Variants in EXOC4 observed in about 807,000 individuals in gnomAD.
EXOC4 encodes exocyst complex component 4, also known as SEC8-like 1.
In EXOC4, 71 loss-of-function variants were observed where a neutral mutation model predicts 107.2. The observed-to-expected ratio is 0.66, with a 90% CI of 0.55 to 0.81. The LOEUF (loss-of-function observed/expected upper bound fraction) is 0.81, where lower values mean the gene tolerates loss of function less well. Ranked by LOEUF, EXOC4 falls within the 30% of genes least tolerant of loss-of-function variation. The pLI is 0.00. For missense variants in EXOC4, 1,108 were observed against 1,189.6 expected (o/e 0.93, Z 1.01); for synonymous variants, 456 against 441.2 (o/e 1.03, Z -0.42).
chr7:133,717,625 G>T (rs577142798), intron 10 of EXOC4, among the ~76,000 whole-genome samples: 2 of 152,332 alleles, frequency 1.3e-5, no homozygotes, highest in African/African-American at 4.8e-5. Flanking sequence ...ATGTGCATAT[G>T]TAAATAATGA....
At chr7:133,530,832 G>T (rs1800168227) in intron 9 of EXOC4, among the ~76,000 whole-genome samples, 1 of 152,186 alleles carries the variant, frequency 6.6e-6, no homozygotes, top group Non-Finnish European at 1.5e-5. Flanking sequence ...TTGTCAAAGG[G>T]AATGTGAAGG....
At chr7:133,608,952 C>T (rs1802016654) in intron 9 of EXOC4, among the ~76,000 whole-genome samples, 1 of 152,130 alleles carries the variant, frequency 6.6e-6, no homozygotes, top group South Asian at 2.1e-4. Flanking sequence ...GTTCATTTCT[C>T]ACATTTAAGT....
At position 133,396,776 on chromosome 7, in the gene EXOC4, G is replaced by A. The variant is rs534732619; in HGVS notation, c.1182+21774G>A. Among the ~76,000 whole-genome samples, 14 of 152,012 alleles carry A rather than the reference G, an allele frequency of 9.2e-5. No homozygotes were observed. The East Asian group carries it at 9.7e-4, about 10-fold the overall frequency. On this transcript the variant is annotated intron_variant, in intron 7 of 17. Coordinates refer to ENST00000253861, the MANE Select transcript of EXOC4 (RefSeq NM_021807.4). ...ATTTTACAGAGAAGCTTCCCACTTC[G>A]AACTGGAAAAAATAAGCATAGTGGA...
At chr7:133,255,341 T>A (rs1340799268) in intron 1 of EXOC4, among the ~76,000 whole-genome samples, 2 of 152,066 alleles carry the variant, frequency 1.3e-5, no homozygotes, top group African/African-American at 4.8e-5. Context: ...CACACCCACC[T>A]AATTTTTGTA....
At chr7:133,850,482 A>G (rs1253127696) in intron 11 of EXOC4, among the ~76,000 whole-genome samples, 2 of 152,024 alleles carry the variant, frequency 1.3e-5, no homozygotes, top group African/African-American at 2.4e-5. Context: ...AACAGGATAT[A>G]GTATATAGTA....
Position 133,594,493 on chromosome 7 carries a change from C to CTTTTTTTTTTTTTTTTTTT in EXOC4, c.1418-35550_1418-35532dup, listed in dbSNP as rs532692119. ...AGACAAGAAATACATAAGCTTGAGT[C>CTTTTTTTTTTTTTTTTTTT]TTTTTTTTTTTTTTTTTTTTGAGAC... On this transcript the variant is annotated intron_variant, in intron 9 of 17. Transcript: ENST00000253861. Among the ~76,000 whole-genome samples, 16 of 90,362 alleles carry CTTTTTTTTTTTTTTTTTTT rather than the reference C, an allele frequency of 1.8e-4. 2 individuals carry two copies. The highest frequency in any genetic ancestry group is 3.4e-4 in the Admixed American group (2 of 5,898). The allele number at this position is 90,362 out of a possible 152,430, so 59.3% of individuals were successfully genotyped here. A position where few individuals can be genotyped will look rare whatever the true frequency, so the allele number is the denominator to read the frequency against.
chr7:133,610,008 T>A (rs973704436), intron 9 of EXOC4, among the ~76,000 whole-genome samples: 1 of 152,230 alleles, frequency 6.6e-6, no homozygotes, highest in Non-Finnish European at 1.5e-5. Context: ...CTTAGTCTTC[T>A]AAAACACTAT....
intron 1 of EXOC4, among the ~76,000 whole-genome samples, chr7:133,267,370 A>G (rs1187498946): frequency 6.6e-6 from 1 of 151,722 alleles, no homozygotes; most frequent in Non-Finnish European, 1.5e-5. Context: ...AGCCACATTG[A>G]CCTCCTTGCC....
At chr7:133,862,619 C>A (rs547444661) in intron 11 of EXOC4, among the ~76,000 whole-genome samples, 1 of 152,292 alleles carries the variant, frequency 6.6e-6, no homozygotes, top group African/African-American at 2.4e-5. Context: ...TAAACAAAAT[C>A]ATTGCTTTCC....
At chr7:133,295,278 G>C (rs1794492768) in intron 3 of EXOC4, among the ~76,000 whole-genome samples, 1 of 151,992 alleles carries the variant, frequency 6.6e-6, no homozygotes, top group Non-Finnish European at 1.5e-5. Context: ...AACTCTTGTG[G>C]GTGGATAGGG....
At chr7:133,358,446 T>G (rs1443215248) in intron 6 of EXOC4, among the ~76,000 whole-genome samples, 3 of 152,170 alleles carry the variant, frequency 2.0e-5, no homozygotes, top group Non-Finnish European at 2.9e-5. Flanking sequence ...ATATGTTTAT[T>G]ATCGGTGCCT....
intron 4 of EXOC4, among the ~76,000 whole-genome samples, chr7:133,313,624 T>C (rs1307059526): frequency 2.0e-5 from 3 of 152,242 alleles, no homozygotes; most frequent in African/African-American, 7.2e-5. Flanking sequence ...AGAAATATGT[T>C]ATAATTAAAA....
intron 9 of EXOC4, among the ~76,000 whole-genome samples, chr7:133,511,426 CA>C (rs1342761792): frequency 6.6e-6 from 1 of 152,108 alleles, no homozygotes; most frequent in Non-Finnish European, 1.5e-5. Flanking sequence ...GTTGATTATG[CA>C]AACTCATTTC....
At chr7:133,664,701 T>C (rs1034039676) in intron 10 of EXOC4, among the ~76,000 whole-genome samples, 1 of 152,180 alleles carries the variant, frequency 6.6e-6, no homozygotes, top group African/African-American at 2.4e-5. Context: ...TAGCTGAAGA[T>C]AAATCTATGC....
At chr7:133,582,623 GT>G (rs1217234916) in intron 9 of EXOC4, among the ~76,000 whole-genome samples, 8 of 151,772 alleles carry the variant, frequency 5.3e-5, no homozygotes, top group African/African-American at 1.7e-4. Context: ...GTAAATGAAA[GT>G]TTTTCGTAAT....
intron 7 of EXOC4, among the ~76,000 whole-genome samples, chr7:133,461,515 A>C (rs952005587): frequency 3.3e-5 from 5 of 152,248 alleles, no homozygotes; most frequent in Non-Finnish European, 7.3e-5. Flanking sequence ...AATCATCTTT[A>C]GTAACTGAAC....
At chr7:133,495,272 G>A (rs1974916) in intron 9 of EXOC4, among the ~76,000 whole-genome samples, 70,168 of 151,610 alleles carry the variant, frequency 0.46, 16,857 homozygotes, top group East Asian at 0.61. Flanking sequence ...AAAAAATTGT[G>A]CGTAACACTG....
At chr7:133,684,715 C>T (rs1246914506) in intron 10 of EXOC4, among the ~76,000 whole-genome samples, 1 of 152,102 alleles carries the variant, frequency 6.6e-6, no homozygotes, top group African/African-American at 2.4e-5. Flanking sequence ...AGTAAGCGGT[C>T]TCCTGGGCAT....
rs116686061 is a variant in EXOC4 at position 133,899,505 on chromosome 7, T to A, written c.1871+3770T>A. Among the ~76,000 whole-genome samples the A allele has an allele frequency of 2.4e-3, 365 of 152,368 alleles. 5 individuals are homozygous for A. Among genetic ancestry groups the A allele is most frequent in the African/African-American group, 8.2e-3 (341 of 41,592 alleles). ...ATACTCTCCTGTCCATTGGACATAG[T>A]TCTTTTCTCTGAATGATAACAAATC... is the stretch of plus-strand genomic sequence containing the variant. On this transcript the variant is annotated intron_variant, in intron 12 of 17. Coordinates refer to ENST00000253861, the MANE Select transcript of EXOC4 (RefSeq NM_021807.4).
Sources: gnomAD v4.1 joint callset for allele counts (sites outside exome capture counted in the v4.1 genomes callset) on GRCh38, gnomAD v4.1.1 for gene constraint, MANE v1.5 for transcripts, NCBI Gene and HGNC (gene_info 2026-07-23, HGNC 2026-07-21) for gene names.